HCRTR2: variants seen among roughly 807,000 people sequenced by gnomAD.
HCRTR2 encodes orexin receptor type 2.
HCRTR2 carries 22 observed loss-of-function variants against 49.0 expected under a neutral mutation model. That is an observed-to-expected ratio of 0.45 (90% CI 0.32 to 0.64). The LOEUF is 0.64. Ranked by LOEUF, HCRTR2 falls within the 30% of genes least tolerant of loss-of-function variation. The pLI is 0.04. For synonymous variants in HCRTR2, 236 were observed against 205.3 expected, an observed-to-expected ratio of 1.15 and a Z score of -1.28; for missense variants, 491 against 559.4, an observed-to-expected ratio of 0.88 and a Z score of 1.23.
intron 2 of HCRTR2, 84 bp downstream of exon 2, chr6:55,248,901 G>T: frequency 8.9e-7 from 1 of 1,126,892 alleles, no homozygotes; most frequent in Non-Finnish European, 1.3e-6. Context: ...TAACTAGTGA[G>T]TTGAGAAATA....
intron 4 of HCRTR2, among the ~76,000 whole-genome samples, chr6:55,269,296 C>T (rs917494679): frequency 2.0e-5 from 3 of 152,014 alleles, no homozygotes; most frequent in Non-Finnish European, 4.4e-5. Flanking sequence ...AGTATGTCTG[C>T]TACAACCATT....
chr6:55,184,497 C>G (rs1765184460), intron 1 of HCRTR2, among the ~76,000 whole-genome samples: 2 of 152,180 alleles, frequency 1.3e-5, no homozygotes, highest in South Asian at 2.1e-4. Context: ...CATTTTCCAA[C>G]TAAATCCCCA....
chr6:55,175,387 C>T (rs1765021476), intron 1 of HCRTR2, among the ~76,000 whole-genome samples: 1 of 152,044 alleles, frequency 6.6e-6, no homozygotes, highest in South Asian at 2.1e-4. Flanking sequence ...GAAGTGCACT[C>T]ACTCATAGAA....
rs114810643 is a variant in HCRTR2, at chr6:55,272,356, T to G, written c.763-5024T>G. Reference sequence around the variant, plus strand: ...TTGTCCTTGGCACGGGCTGGCAGAATGGGACAATGAGAAGTGACTGCTAAT... The same window carrying G: ...TTGTCCTTGGCACGGGCTGGCAGAAGGGGACAATGAGAAGTGACTGCTAAT... On this transcript the variant is annotated intron_variant, in intron 4 of 6. Coordinates refer to ENST00000370862, the MANE Select transcript of HCRTR2 (RefSeq NM_001384272.1). 8.5e-3 allele frequency among the ~76,000 whole-genome samples: 1,299 copies of G among 152,148 alleles called. 19 individuals carry two copies. Among genetic ancestry groups the G allele is most frequent in the African/African-American group, 0.03 (1,241 of 41,522 alleles).
chr6:55,208,564 G>T (rs79019080), intron 1 of HCRTR2, among the ~76,000 whole-genome samples: 1 of 151,844 alleles, frequency 6.6e-6, no homozygotes, highest in Non-Finnish European at 1.5e-5. Context: ...ATTTAATCCT[G>T]CAAGATTATG....
intron 1 of HCRTR2, among the ~76,000 whole-genome samples, chr6:55,159,267 AAAAAACAAAAACAAAAAC>A (rs58118959): frequency 2.0e-5 from 3 of 149,372 alleles, no homozygotes; most frequent in Non-Finnish European, 3.0e-5. Flanking sequence ...ATCAACATCA[AAAAAACAAAAACAAAAAC>A]AAAAACAAAA....
intron 4 of HCRTR2, among the ~76,000 whole-genome samples, chr6:55,274,196 TAGG>T (rs1190818887): frequency 6.7e-6 from 1 of 148,530 alleles, no homozygotes; most frequent in African/African-American, 2.5e-5. Context: ...TATATTTATT[TAGG>T]AGTTCTTTAT....
At chr6:55,108,142 A>T (rs1198628702) in intron 1 of HCRTR2, among the ~76,000 whole-genome samples, 1 of 152,100 alleles carries the variant, frequency 6.6e-6, no homozygotes, top group Admixed American at 6.6e-5. Flanking sequence ...ATGAAATCAA[A>T]CTCCTATATG....
chr6:55,256,630 T>C (rs867461786), intron 3 of HCRTR2, among the ~76,000 whole-genome samples: 2 of 152,294 alleles, frequency 1.3e-5, no homozygotes, highest in Non-Finnish European at 1.5e-5. Context: ...ATTCCAACTT[T>C]TTTTTGCTGT....
chr6:55,180,965 A>ATT (rs11441768), intron 1 of HCRTR2, among the ~76,000 whole-genome samples: 18,660 of 139,230 alleles, frequency 0.13, 1,376 homozygotes, highest in South Asian at 0.27. Context: ...ATGCCCAGCT[A>ATT]TTTTTTTTTT....
At chr6:55,128,996 G>T (rs1319142819) in intron 1 of HCRTR2, among the ~76,000 whole-genome samples, 2 of 152,002 alleles carry the variant, frequency 1.3e-5, no homozygotes, top group East Asian at 3.9e-4. Context: ...GAACATTTTT[G>T]GCTTCTCCTG....
At chr6:55,181,610 C>A (rs1765135374) in intron 1 of HCRTR2, among the ~76,000 whole-genome samples, 1 of 151,974 alleles carries the variant, frequency 6.6e-6, no homozygotes. Flanking sequence ...TTCTTCACAA[C>A]AACATTATGA....
In HCRTR2 at chr6:55,221,459, G is replaced by A. The variant is rs188023201; in HGVS notation, c.224-27180G>A. ...ACAATTGTGTTGGGAAAACTAGATA[G>A]CCATATTCAAAGGACTGAAATTAGA... On this transcript the variant is annotated intron_variant, in intron 1 of 6. Transcript: ENST00000370862. Among the ~76,000 whole-genome samples the A allele has an allele frequency of 2.2e-4, 33 of 152,222 alleles. 1 individual carries two copies. The highest frequency in any genetic ancestry group is 6.8e-3 in the Middle Eastern group (2 of 294).
At chr6:55,122,119 T>C in intron 1 of HCRTR2, among the ~76,000 whole-genome samples, 1 of 152,186 alleles carries the variant, frequency 6.6e-6, no homozygotes, top group East Asian at 1.9e-4. Context: ...GGTAAGCTAT[T>C]AATTATTGCC....
At chr6:55,242,549 A>T (rs1417957934) in intron 1 of HCRTR2, among the ~76,000 whole-genome samples, 3 of 152,358 alleles carry the variant, frequency 2.0e-5, no homozygotes, top group Non-Finnish European at 4.4e-5. Context: ...TATTTAGTAC[A>T]GATCCTTTTG....
chr6:55,257,396 G>A (rs534442438), intron 3 of HCRTR2, among the ~76,000 whole-genome samples: 15 of 151,976 alleles, frequency 9.9e-5, no homozygotes, highest in African/African-American at 3.4e-4. Context: ...GATTCCTTAA[G>A]TTTTATAGGG....
chr6:55,123,662 C>T (rs1183382065), intron 1 of HCRTR2, among the ~76,000 whole-genome samples: 3 of 152,068 alleles, frequency 2.0e-5, no homozygotes, highest in Admixed American at 6.6e-5. Flanking sequence ...GGGAGGATTC[C>T]TGCTTTTTCT....
intron 3 of HCRTR2, among the ~76,000 whole-genome samples, chr6:55,260,575 G>A (rs550593843): frequency 2.6e-4 from 40 of 152,206 alleles, no homozygotes; most frequent in African/African-American, 9.6e-4. Context: ...CCTCAAATTG[G>A]TCTCTTAGAC....
chr6:55,130,226 T>A (rs1325383170), intron 1 of HCRTR2, among the ~76,000 whole-genome samples: 1 of 151,932 alleles, frequency 6.6e-6, no homozygotes, highest in Non-Finnish European at 1.5e-5. Context: ...CTACCTGATC[T>A]CTTCACTTGT....
Sources: allele counts gnomAD v4.1 joint callset (sites outside exome capture counted in the v4.1 genomes callset), GRCh38; gene constraint gnomAD v4.1.1; transcripts MANE v1.5; gene names NCBI Gene and HGNC (gene_info 2026-07-23, HGNC 2026-07-21).